Variants in ADAMTS13 observed in about 807,000 individuals in gnomAD.
ADAMTS13 encodes the protein A disintegrin and metalloproteinase with thrombospondin motifs 13.
Under a neutral mutation model 155.1 loss-of-function variants are expected in ADAMTS13, and 110 were observed. That is an observed-to-expected ratio of 0.71 (90% CI 0.61 to 0.83). ADAMTS13 has a LOEUF of 0.83. Ranked by LOEUF, ADAMTS13 falls within the 40% of genes least tolerant of loss-of-function variation. The probability of loss-of-function intolerance (pLI) is 0.00; values close to 1 mark genes in which losing one functional copy is unlikely to be tolerated. For missense variants in ADAMTS13, 1,707 were observed against 1,891.7 expected, an observed-to-expected ratio of 0.90 and a Z score of 1.81; for synonymous variants, 758 against 756.4, an observed-to-expected ratio of 1.00 and a Z score of -0.03.
At position 133,433,436 on chromosome 9, in the gene ADAMTS13, A is replaced by G; in HGVS notation, c.1151A>G (p.His384Arg). ...LVELTPIAAV[H>R]GRWSSWGPRS... ...GAGCTGACCCCCATAGCAGCAGTGC[A>G]TGGGCGCTGGTCTAGCTGGGGTCCC... Residue 384 changes from histidine (H) to arginine (R), a missense_variant, in exon 10 of 29, where the codon CAT (histidine) becomes CGT (arginine). By Grantham distance (29) the His-to-Arg change is conservative (BLOSUM62 0). Coordinates refer to ENST00000355699, the MANE Select transcript of ADAMTS13 (RefSeq NM_139027.6). 1 of 1,613,428 alleles carries G rather than the reference A, an allele frequency of 6.2e-7. No individual in the cohort carries two copies. The highest frequency in any genetic ancestry group is 2.2e-5 in the East Asian group (1 of 44,880).
chr9:133,450,024 G>A (rs981179926), intron 23 of ADAMTS13, 59 bp downstream of exon 23: 50 of 1,530,596 alleles, frequency 3.3e-5, no homozygotes, highest in Non-Finnish European at 4.0e-5. Context: ...CAGGCCAGGC[G>A]CTGTGGTGTG....
At chr9:133,415,724 A>G (rs1312510970) in intron 1 of ADAMTS13, 3 of 152,252 alleles carry the variant, frequency 2.0e-5, no homozygotes, top group Non-Finnish European at 4.4e-5. Flanking sequence ...AAAACACTCC[A>G]AAGTTTCCCT....
intron 1 of ADAMTS13, among the ~76,000 whole-genome samples, chr9:133,416,321 T>C (rs183839960): frequency 1.3e-5 from 2 of 152,272 alleles, no homozygotes; most frequent in African/African-American, 4.8e-5. Flanking sequence ...CATGACCCAA[T>C]ACCTCCTATG....
Position 133,440,262 on chromosome 9 carries a change from G to T in ADAMTS13, c.1787-82G>T. 1 of 1,581,134 alleles carries T rather than the reference G, an allele frequency of 6.3e-7. No homozygotes were observed. Among genetic ancestry groups the T allele is most frequent in the East Asian group, 2.2e-5 (1 of 44,686 alleles). ...TCCTTAGAGGAGGGCTGGGGACCCCGGGAAGGAGAGTCACTGACATGTGCC... is the reference window on the plus strand; with the variant it reads ...TCCTTAGAGGAGGGCTGGGGACCCCTGGAAGGAGAGTCACTGACATGTGCC... On this transcript the variant is annotated intron_variant, in intron 15 of 28. Coordinates refer to ENST00000355699, the MANE Select transcript of ADAMTS13 (RefSeq NM_139027.6). The surrounding 1 kb of genome is among the most constrained non-coding windows in gnomAD (Gnocchi z 4.3).
intron 18 of ADAMTS13, 86 bp downstream of exon 18, chr9:133,442,829 C>T: frequency 6.6e-7 from 1 of 1,505,442 alleles, no homozygotes; most frequent in Non-Finnish European, 8.9e-7. Flanking sequence ...CTATGGGGCC[C>T]ATGTGGCAGG....
rs1185531359 is a variant in ADAMTS13 at position 133,438,911 on chromosome 9, A to C, written c.1706-455A>C. 1.2e-4 allele frequency among the ~76,000 whole-genome samples: 4 copies of C among 32,808 alleles called. No individual in the cohort carries two copies. In the East Asian group the frequency reaches 1.2e-3, roughly 10 times the overall value. 21.5% of individuals were successfully genotyped at this position (32,808 alleles called of 152,430 possible). On this transcript the variant is annotated intron_variant, in intron 14 of 28. Coordinates refer to ENST00000355699, the MANE Select transcript of ADAMTS13 (RefSeq NM_139027.6). ...GGGCAACAGAGTGAGACACTGTCTC[A>C]AAAAAAAAAAAAAAAAAGTATGGAC...
chr9:133,445,631 A>G lies in ADAMTS13; in HGVS notation c.2611-68A>G. On this transcript the variant is annotated intron_variant, in intron 20 of 28. Coordinates refer to ENST00000355699, the MANE Select transcript of ADAMTS13 (RefSeq NM_139027.6). This position sits in a 1 kb window ranked among gnomAD's most constrained non-coding sequence, Gnocchi z 5.0. ...GGTCTCTCTGCTGCTGCCTGAGAAG[A>G]TCGAGACGGGGATCGCTGGGTCCTC... is the stretch of plus-strand genomic sequence containing the variant. The G allele has an allele frequency of 6.2e-7, 1 of 1,610,704 alleles. No homozygotes were observed. The highest frequency in any genetic ancestry group is 1.1e-5 in the South Asian group (1 of 90,818).
Position 133,456,060 on chromosome 9 carries a change from C to T in ADAMTS13, c.3401-9C>T. The T allele has an allele frequency of 6.2e-7, 1 of 1,613,244 alleles. No individual in the cohort carries two copies. The highest frequency in any genetic ancestry group is 8.5e-7 in the Non-Finnish European group (1 of 1,180,024). On this transcript the variant is annotated splice_polypyrimidine_tract_variant and intron_variant, in intron 25 of 28. Coordinates refer to ENST00000355699, the MANE Select transcript of ADAMTS13 (RefSeq NM_139027.6). The surrounding 1 kb of genome is among the most constrained non-coding windows in gnomAD (Gnocchi z 4.4). ...AGCACTGCTTACCTGTCTCCTGCTC[C>T]CTTTTCAGGTGCCTGTGGCAGGCAG... is the stretch of plus-strand genomic sequence containing the variant.
intron 8 of ADAMTS13, among the ~76,000 whole-genome samples, chr9:133,431,148 A>G (rs1554787336): frequency 6.6e-6 from 1 of 151,062 alleles, no homozygotes; most frequent in Admixed American, 6.6e-5. Context: ...AATTTTTTGT[A>G]GAGATGGGGT....
chr9:133,444,882 A>C lies in ADAMTS13; in HGVS notation c.2440A>C (p.Ser814Arg). The change falls in exon 20 of 29, where the codon AGC becomes CGC. Residue 814 changes from serine (S) to arginine (R), a missense_variant. Physicochemically the swap from Ser to Arg is moderately radical, Grantham distance 110. Around this residue, in one of 3 missense-constraint regions of ADAMTS13, gnomAD observed 961 missense variants for 1,107.9 expected, o/e 0.87. Transcript: ENST00000355699. ...CCTCAGGTGGGAGGTGTCAGAGCCCAGCTCATGCACATCAGCTGGTGGAGC... is the reference window on the plus strand; with the variant it reads ...CCTCAGGTGGGAGGTGTCAGAGCCCCGCTCATGCACATCAGCTGGTGGAGC... ...CPARWEVSEP[S>R]SCTSAGGAGL... The C allele has an allele frequency of 1.2e-6, 2 of 1,613,106 alleles. No individual in the cohort carries two copies. The highest frequency in any genetic ancestry group is 1.7e-6 in the Non-Finnish European group (2 of 1,180,016).
chr9:133,458,040 C>T lies in ADAMTS13; in HGVS notation c.3855C>T (p.Ala1285=). 6.2e-7 allele frequency: 1 copy of T among 1,613,494 alleles called. No homozygotes were observed. Among genetic ancestry groups the T allele is most frequent in the Non-Finnish European group, 8.5e-7 (1 of 1,180,036 alleles). Residue 1285 remains alanine (A), a synonymous_variant, in exon 28 of 29, where the codon GCC becomes GCT. Transcript: ENST00000355699. ...VAPHARIAIH[A]LATNMGAGTE... ...CGCACGCACGGATTGCCATCCATGCCCTGGCCACCAACATGGGCGCTGGGA... is the reference window on the plus strand; with the variant it reads ...CGCACGCACGGATTGCCATCCATGCTCTGGCCACCAACATGGGCGCTGGGA...
chr9:133,443,473 A>G lies in ADAMTS13; in HGVS notation c.2332A>G (p.Lys778Glu). 1 of 1,591,718 alleles carries G rather than the reference A, an allele frequency of 6.3e-7. No homozygotes were observed. Among genetic ancestry groups the G allele is most frequent in the Non-Finnish European group, 8.5e-7 (1 of 1,174,706 alleles). The change falls in exon 19 of 29, where the codon AAG (lysine) becomes GAG (glutamate). Residue 778 changes from lysine to glutamate, a missense_variant. Physicochemically the swap from Lys to Glu is moderately conservative, Grantham distance 56. Transcript: ENST00000355699. The stretch of plus-strand genomic sequence containing the variant: ...CGTGGAGGCCCAGGGCAGCCTCCTG[A>G]AGACATTGCCCCCAGCCCGGTGCAG... ...RCVEAQGSLL[K>E]TLPPARCRAG... is the part of the protein sequence containing the mutation.
chr9:133,452,833 C>A (rs1842516697), intron 23 of ADAMTS13, among the ~76,000 whole-genome samples: 1 of 152,202 alleles, frequency 6.6e-6, no homozygotes, highest in African/African-American at 2.4e-5. Flanking sequence ...TTGCTGTAGC[C>A]ACGCTGGCCT....
Position 133,428,695 on chromosome 9 carries a change from G to T in ADAMTS13, c.748G>T (p.Ala250Ser), listed in dbSNP as rs1198989508. The change falls in exon 7 of 29, where the codon GCT becomes TCT. Residue 250 changes from alanine (A) to serine (S), a missense_variant. Ala to Ser is a moderately conservative substitution (Grantham distance 99). Around this residue, in one of 3 missense-constraint regions of ADAMTS13, gnomAD observed 733 missense variants for 749.6 expected, o/e 0.98. Coordinates refer to ENST00000355699, the MANE Select transcript of ADAMTS13 (RefSeq NM_139027.6). ...SGCGPSGHVMASDGAAPRAGL... is the reference protein window; with the variant it reads ...SGCGPSGHVMSSDGAAPRAGL... ...CTGCGGCCCCAGCGGACACGTGATG[G>T]CTTCGGACGGCGCCGCGCCCCGCGC... 2.9e-6 allele frequency: 4 copies of T among 1,362,798 alleles called. No homozygotes were observed. The highest frequency in any genetic ancestry group is 3.8e-6 in the Non-Finnish European group (4 of 1,055,204). The allele number at this position is 1,362,798 out of a possible 1,614,324, so 84.4% of individuals were successfully genotyped here. A position where few individuals can be genotyped will look rare whatever the true frequency, so the allele number is the denominator to read the frequency against.
Position 133,443,213 on chromosome 9 carries a change from A to G in ADAMTS13, c.2235-163A>G, listed in dbSNP as rs36221452. Among the ~76,000 whole-genome samples the G allele has an allele frequency of 0.021, 3,225 of 152,278 alleles. 125 individuals carry two copies. The highest frequency in any genetic ancestry group is 0.074 in the African/African-American group (3,070 of 41,544). ...ACCAGCCTGTGATTCGGTTGTCCTC[A>G]GGCTCAGCCGTCTGGCAGCCTGGGA... is the stretch of plus-strand genomic sequence containing the variant. On this transcript the variant is annotated intron_variant, in intron 18 of 28. Transcript: ENST00000355699.
At chr9:133,423,640 T>G (rs1440026820) in intron 2 of ADAMTS13, among the ~76,000 whole-genome samples, 1 of 152,136 alleles carries the variant, frequency 6.6e-6, no homozygotes, top group Admixed American at 6.5e-5. Flanking sequence ...CCCTTCCCAG[T>G]AGGGCCATTG....
upstream of ADAMTS13, chr9:133,418,118 G>T: frequency 2.0e-6 from 1 of 497,942 alleles, no homozygotes; most frequent in Non-Finnish European, 3.6e-6. Context: ...TCACCCGCAC[G>T]GGACTTGGGC....
Position 133,445,675 on chromosome 9 carries a change from C to T in ADAMTS13, c.2611-24C>T, listed in dbSNP as rs931574008. 1.9e-6 allele frequency: 3 copies of T among 1,612,560 alleles called. No homozygotes were observed. Among genetic ancestry groups the T allele is most frequent in the African/African-American group, 2.7e-5 (2 of 74,922 alleles). The stretch of plus-strand genomic sequence containing the variant: ...GGTCCTCAGAGGAGGCCCAGACCCA[C>T]CAGCTTGTTGCTATTCCCCACAGCT... On this transcript the variant is annotated intron_variant, in intron 20 of 28. Transcript: ENST00000355699. The surrounding 1 kb of genome is among the most constrained non-coding windows in gnomAD (Gnocchi z 5.0).
At chr9:133,458,952 T>C in intron 28 of ADAMTS13, 22 bp from the exon 29 acceptor site, 4 of 1,607,892 alleles carry the variant, frequency 2.5e-6, no homozygotes, top group Non-Finnish European at 3.4e-6. Context: ...CCGGTCCTTC[T>C]GGGCTGCCCC....
Sources: allele counts gnomAD v4.1 joint callset (sites outside exome capture counted in the v4.1 genomes callset), GRCh38; gene constraint gnomAD v4.1.1; regional missense constraint gnomAD v4.1.1; non-coding constraint Gnocchi (gnomAD v3.1); transcripts MANE v1.5; gene names NCBI Gene and HGNC (gene_info 2026-07-23, HGNC 2026-07-21).